The following AHCYL2 variants were observed in gnomAD, a reference collection of about 807,000 sequenced individuals.
AHCYL2 encodes the protein adenosylhomocysteinase like 2.
In AHCYL2, 28 loss-of-function variants were observed where a neutral mutation model predicts 81.4. The ratio of observed to expected loss-of-function variants is 0.34; its 90% CI spans 0.25 to 0.47. AHCYL2 has a LOEUF of 0.47. Among genes scored for constraint, AHCYL2 ranks in the 20% least tolerant of loss-of-function variants. AHCYL2 has a pLI of 1.00. For synonymous variants in AHCYL2, 272 were observed against 290.2 expected (o/e 0.94, Z 0.64); for missense variants, 551 against 785.1 (o/e 0.70, Z 3.56).
intron 1 of AHCYL2, among the ~76,000 whole-genome samples, chr7:129,338,825 C>T (rs1427086419): frequency 6.6e-6 from 1 of 152,074 alleles, no homozygotes; most frequent in Admixed American, 6.6e-5. Context: ...TGTCATTTGT[C>T]TTTTGATTTT....
chr7:129,415,169 C>G (rs897554403), intron 12 of AHCYL2, among the ~76,000 whole-genome samples: 23 of 152,116 alleles, frequency 1.5e-4, no homozygotes, highest in Admixed American at 1.4e-3. Flanking sequence ...TGCCTCTTTG[C>G]TGAATGATCA....
At chr7:129,405,752 C>A in intron 8 of AHCYL2, 84 bp from the exon 9 acceptor site, 7 of 1,268,950 alleles carry the variant, frequency 5.5e-6, no homozygotes, top group South Asian at 1.7e-5. Flanking sequence ...ACCAAAAAAC[C>A]CCATGAAAAC....
intron 1 of AHCYL2, among the ~76,000 whole-genome samples, chr7:129,256,552 C>G (rs1434645794): frequency 7.6e-6 from 1 of 131,088 alleles, no homozygotes; most frequent in African/African-American, 2.9e-5. Context: ...ACCCCCCACC[C>G]CCCCCCCGCC....
At chr7:129,334,440 C>T (rs1435268420) in intron 1 of AHCYL2, among the ~76,000 whole-genome samples, 1 of 152,148 alleles carries the variant, frequency 6.6e-6, no homozygotes, top group Non-Finnish European at 1.5e-5. Flanking sequence ...CTAGTTAGAG[C>T]TTTGTTAGAA....
At position 129,378,407 on chromosome 7, in the gene AHCYL2, G is replaced by A. The variant is rs564735392; in HGVS notation, c.364-1231G>A. Among the ~76,000 whole-genome samples, 50 of 152,262 alleles carry A rather than the reference G, an allele frequency of 3.3e-4. No homozygotes were observed. The South Asian group carries it at 9.8e-3, about 30-fold the overall frequency. ...TAGAGTGGCTACCTGCAAGAGTTAC[G>A]AGAGCATTGAACCGTAGGGGTTGGG... On this transcript the variant is annotated intron_variant, in intron 1 of 16. Transcript: ENST00000325006.
At chr7:129,301,133 A>T (rs1797244366) in intron 1 of AHCYL2, among the ~76,000 whole-genome samples, 1 of 152,106 alleles carries the variant, frequency 6.6e-6, no homozygotes, top group South Asian at 2.1e-4. Context: ...GCATCTTTTC[A>T]TACACCTGTT....
At chr7:129,342,903 A>G (rs149665014) in intron 1 of AHCYL2, among the ~76,000 whole-genome samples, 92 of 152,312 alleles carry the variant, frequency 6.0e-4, no homozygotes, top group African/African-American at 2.1e-3. Flanking sequence ...ACATATCTTG[A>G]TAATGTATTT....
At chr7:129,327,551 C>G (rs1798266427) in intron 1 of AHCYL2, among the ~76,000 whole-genome samples, 1 of 152,100 alleles carries the variant, frequency 6.6e-6, no homozygotes, top group Non-Finnish European at 1.5e-5. Context: ...ACTGCAACCT[C>G]TGCCTCCCAG....
chr7:129,285,077 G>A (rs1796581793), intron 1 of AHCYL2, among the ~76,000 whole-genome samples: 2 of 152,206 alleles, frequency 1.3e-5, no homozygotes, highest in South Asian at 2.1e-4. Flanking sequence ...GGGACAGCCA[G>A]CTCTAGCTGT....
At chr7:129,273,817 C>T (rs1796104682) in intron 1 of AHCYL2, among the ~76,000 whole-genome samples, 1 of 152,134 alleles carries the variant, frequency 6.6e-6, no homozygotes, top group African/African-American at 2.4e-5. Context: ...TGGCTTTTGT[C>T]TGCTGGAGTG....
intron 1 of AHCYL2, among the ~76,000 whole-genome samples, chr7:129,320,537 G>A (rs528090932): frequency 6.6e-6 from 1 of 152,216 alleles, no homozygotes; most frequent in South Asian, 2.1e-4. Flanking sequence ...GGTTGGTCTC[G>A]AACTCCTGAC....
intron 1 of AHCYL2, among the ~76,000 whole-genome samples, chr7:129,239,286 C>T (rs898769050): frequency 1.3e-5 from 2 of 152,126 alleles, no homozygotes; most frequent in East Asian, 1.9e-4. Context: ...TTGGTTATCA[C>T]CTGGGAGCTT....
chr7:129,248,571 G>A (rs1795139964), intron 1 of AHCYL2, among the ~76,000 whole-genome samples: 2 of 147,932 alleles, frequency 1.4e-5, no homozygotes, highest in South Asian at 4.3e-4. Context: ...CAGAACCCAT[G>A]GATATGAGGG....
chr7:129,302,699 T>C (rs749383788), intron 1 of AHCYL2, among the ~76,000 whole-genome samples: 5 of 152,186 alleles, frequency 3.3e-5, no homozygotes, highest in Non-Finnish European at 7.3e-5. Flanking sequence ...CTTATATCCT[T>C]GGGATACATC....
chr7:129,296,268 A>G (rs118119229), intron 1 of AHCYL2, among the ~76,000 whole-genome samples: 3,751 of 152,346 alleles, frequency 0.025, 77 homozygotes, highest in Admixed American at 0.058. Flanking sequence ...GGTTGCATAA[A>G]GGGAGCCAGT....
At chr7:129,321,860 C>T (rs1399134028) in intron 1 of AHCYL2, among the ~76,000 whole-genome samples, 3 of 149,310 alleles carry the variant, frequency 2.0e-5, no homozygotes, top group Non-Finnish European at 4.4e-5. Flanking sequence ...ACCTTAACCT[C>T]CACCTCCCAG....
intron 1 of AHCYL2, among the ~76,000 whole-genome samples, chr7:129,331,182 G>A (rs999979852): frequency 5.9e-4 from 90 of 152,232 alleles, no homozygotes; most frequent in African/African-American, 1.8e-3. Context: ...AACTCTGTGC[G>A]GATGAAGGGG....
At chr7:129,338,893 A>G (rs1306672745) in intron 1 of AHCYL2, among the ~76,000 whole-genome samples, 1 of 152,140 alleles carries the variant, frequency 6.6e-6, no homozygotes, top group Admixed American at 6.5e-5. Context: ...TGTGTCACAT[A>G]TAGGCCCTGT....
At chr7:129,337,376 T>C (rs181823784) in intron 1 of AHCYL2, among the ~76,000 whole-genome samples, 47 of 152,088 alleles carry the variant, frequency 3.1e-4, no homozygotes, top group African/African-American at 9.1e-4. Context: ...ATTGTATAGA[T>C]AGGCCGTAAT....
Sources: allele counts gnomAD v4.1 joint callset (sites outside exome capture counted in the v4.1 genomes callset), GRCh38; gene constraint gnomAD v4.1.1; transcripts MANE v1.5; gene names NCBI Gene and HGNC (gene_info 2026-07-23, HGNC 2026-07-21).